Variants in EML5 observed in about 807,000 individuals in gnomAD.
EML5 encodes the protein echinoderm microtubule-associated protein-like 5.
A neutral mutation model predicts 250.0 loss-of-function variants in EML5; 120 were observed. The ratio of observed to expected loss-of-function variants is 0.48; its 90% CI spans 0.41 to 0.56. The LOEUF (loss-of-function observed/expected upper bound fraction) is 0.56. Among genes scored for constraint, EML5 ranks in the 20% least tolerant of loss-of-function variants. The pLI is 0.00. For synonymous variants in EML5, 771 were observed against 806.5 expected, an observed-to-expected ratio of 0.96 and a Z score of 0.75; for missense variants, 2,006 against 2,437.6, an observed-to-expected ratio of 0.82 and a Z score of 3.73.
At chr14:88,668,401 C>A (rs553035007) in intron 21 of EML5, among the ~76,000 whole-genome samples, 3 of 151,220 alleles carry the variant, frequency 2.0e-5, no homozygotes, top group East Asian at 1.9e-4. Context: ...CAGACACGCA[C>A]GGGTTCCAGA....
intron 2 of EML5, among the ~76,000 whole-genome samples, chr14:88,753,695 G>A (rs1362852610): frequency 2.0e-5 from 3 of 152,116 alleles, no homozygotes; most frequent in African/African-American, 7.2e-5. Flanking sequence ...AGAAGTAGAT[G>A]ATAATTTAGA....
intron 2 of EML5, among the ~76,000 whole-genome samples, chr14:88,748,826 A>C (rs725234): frequency 6.6e-6 from 1 of 152,094 alleles, no homozygotes; most frequent in Non-Finnish European, 1.5e-5. Context: ...AGCTCAGACA[A>C]TGATGAAAAG....
chr14:88,664,062 G>A (rs927325273), intron 23 of EML5, among the ~76,000 whole-genome samples: 1 of 151,702 alleles, frequency 6.6e-6, no homozygotes, highest in African/African-American at 2.4e-5. Context: ...AGGACTGCTT[G>A]AGTCCAGGAG....
intron 8 of EML5, among the ~76,000 whole-genome samples, chr14:88,718,363 A>C (rs1245500202): frequency 6.6e-6 from 1 of 152,222 alleles, no homozygotes; most frequent in African/African-American, 2.4e-5. Flanking sequence ...TAGAGTAAAA[A>C]GAAGAGAAAG....
intron 1 of EML5, among the ~76,000 whole-genome samples, chr14:88,782,213 A>G (rs557940076): frequency 3.9e-5 from 6 of 152,372 alleles, no homozygotes; most frequent in African/African-American, 1.4e-4. Context: ...CAATCTTACT[A>G]TGCAAAGAGA....
intron 1 of EML5, among the ~76,000 whole-genome samples, chr14:88,788,372 TA>T (rs1246443184): frequency 3.3e-5 from 5 of 152,152 alleles, no homozygotes; most frequent in African/African-American, 9.6e-5. Flanking sequence ...ATAAAGAAAA[TA>T]GCTTCTACAC....
chr14:88,665,925 T>G (rs1375128807), intron 21 of EML5, among the ~76,000 whole-genome samples: 1 of 151,948 alleles, frequency 6.6e-6, no homozygotes, highest in African/African-American at 2.4e-5. Context: ...AAAAAAATAT[T>G]TGCTAAAAAG....
At chr14:88,616,972 C>T (rs1331587203) in intron 41 of EML5, 93 bp from the exon 42 acceptor site, 1 of 1,184,876 alleles carries the variant, frequency 8.4e-7, no homozygotes, top group Admixed American at 2.2e-5. Context: ...CTCTAAGTAC[C>T]CTATCATGTT....
chr14:88,630,925 C>T (rs1176013619), intron 33 of EML5, among the ~76,000 whole-genome samples: 1 of 152,160 alleles, frequency 6.6e-6, no homozygotes, highest in Admixed American at 6.5e-5. Flanking sequence ...CATCATGAAA[C>T]TCCTGAAGTA....
chr14:88,728,641 T>A (rs976621215), intron 7 of EML5, among the ~76,000 whole-genome samples: 1 of 152,122 alleles, frequency 6.6e-6, no homozygotes. Context: ...GAGAAGAGGC[T>A]TGTCTTACGA....
chr14:88,627,235 G>C (rs890008798), intron 34 of EML5, 189 bp from the exon 35 acceptor site: 3 of 604,360 alleles, frequency 5.0e-6, no homozygotes, highest in Admixed American at 6.0e-5. Flanking sequence ...ACTTATCTTC[G>C]CTCCATTAAC....
chr14:88,736,272 T>A, intron 7 of EML5, 92 bp downstream of exon 7: 1 of 1,432,944 alleles, frequency 7.0e-7, no homozygotes, highest in South Asian at 1.3e-5. Flanking sequence ...GTGCTGGGAT[T>A]ACGGGCGTGA....
chr14:88,695,385 T>C lies in EML5; in HGVS notation c.2414A>G (p.Lys805Arg). The change falls in exon 16 of 44, where the codon AAA (lysine) becomes AGA (arginine). Residue 805 changes from lysine to arginine, a missense_variant. Lys to Arg is a conservative substitution (Grantham distance 26). Around this residue, in one of 7 missense-constraint regions of EML5, gnomAD observed 1,375 missense variants for 1,590.3 expected, o/e 0.86. Transcript: ENST00000554922. ...CCTTGCTATTGAAAGTTTCTCTCCT[T>C]TCTTCCAGTCCCAGAGCACAACAGT... is the stretch of plus-strand genomic sequence containing the variant. ...SHTVVLWDWK[K>R]GEKLSIARGS... is the part of the protein sequence containing the mutation. 1 of 1,612,026 alleles carries C rather than the reference T, an allele frequency of 6.2e-7. No individual in the cohort carries two copies. Among genetic ancestry groups the C allele is most frequent in the African/African-American group, 1.3e-5 (1 of 75,004 alleles).
intron 17 of EML5, among the ~76,000 whole-genome samples, chr14:88,693,307 C>A (rs2093001384): frequency 1.3e-5 from 2 of 152,296 alleles, no homozygotes; most frequent in South Asian, 4.1e-4. Flanking sequence ...TTAATTGATT[C>A]ACAGTTCCAC....
In EML5 at chr14:88,620,435, A is replaced by G; in HGVS notation, c.5375+319T>C. 4.7e-6 allele frequency: 1 copy of G among 213,266 alleles called. No individual in the cohort carries two copies. Among genetic ancestry groups the G allele is most frequent in the Non-Finnish European group, 9.2e-6 (1 of 109,128 alleles). 13.2% of individuals were successfully genotyped at this position (213,266 alleles called of 1,614,324 possible). A position where few individuals can be genotyped will look rare whatever the true frequency, so the allele number is the denominator to read the frequency against. ...TAGTTTTCCAGGGTGACAACTTTTG[A>G]AGGGCAGATAGCTCTCTTGTATTAC... On this transcript the variant is annotated intron_variant, in intron 39 of 43. Coordinates refer to ENST00000554922, the MANE Select transcript of EML5 (RefSeq NM_183387.3). This position sits in a 1 kb window ranked among gnomAD's most constrained non-coding sequence, Gnocchi z 4.3.
intron 1 of EML5, among the ~76,000 whole-genome samples, chr14:88,761,313 T>C (rs1348854199): frequency 6.6e-6 from 1 of 152,194 alleles, no homozygotes; most frequent in East Asian, 1.9e-4. Context: ...CAACCTGTCA[T>C]CTACATTAGG....
chr14:88,734,494 T>C (rs186477860), intron 7 of EML5, among the ~76,000 whole-genome samples: 1 of 151,736 alleles, frequency 6.6e-6, no homozygotes, highest in African/African-American at 2.4e-5. Flanking sequence ...GGGGCCACAA[T>C]ACAAAAAGAG....
intron 9 of EML5, 21 bp downstream of exon 9, chr14:88,714,918 T>C: frequency 6.2e-7 from 1 of 1,605,926 alleles, no homozygotes; most frequent in East Asian, 2.2e-5. Context: ...TACAAATCTA[T>C]AATTTGCTAG....
chr14:88,774,983 C>G (rs892248626), intron 1 of EML5, among the ~76,000 whole-genome samples: 1 of 152,202 alleles, frequency 6.6e-6, no homozygotes, highest in South Asian at 2.1e-4. Flanking sequence ...CAGGCCCTAG[C>G]TACCAGACGA....
Sources: allele counts gnomAD v4.1 joint callset (sites outside exome capture counted in the v4.1 genomes callset), GRCh38; gene constraint gnomAD v4.1.1; regional missense constraint gnomAD v4.1.1; non-coding constraint Gnocchi (gnomAD v3.1); transcripts MANE v1.5; gene names NCBI Gene and HGNC (gene_info 2026-07-23, HGNC 2026-07-21).